Variants in XRN1 observed in about 807,000 individuals in gnomAD.
The protein encoded by XRN1 is strand-exchange protein 1 homolog.
A neutral mutation model predicts 222.3 loss-of-function variants in XRN1; 67 were observed. The observed-to-expected ratio is 0.30, with a 90% CI of 0.25 to 0.37. XRN1 has a LOEUF of 0.37. XRN1 is among the 10% of genes least tolerant of loss of function. The probability of loss-of-function intolerance (pLI) is 1.00; values close to 1 mark genes in which losing one functional copy is unlikely to be tolerated. For missense variants in XRN1, 1,707 were observed against 2,000.2 expected (o/e 0.85, Z 2.80); for synonymous variants, 643 against 652.4 (o/e 0.99, Z 0.22).
At chr3:142,375,675 G>T in intron 25 of XRN1, 123 bp downstream of exon 25, 1 of 977,226 alleles carries the variant, frequency 1.0e-6, no homozygotes, top group South Asian at 2.4e-5. Flanking sequence ...AAGTTTACAT[G>T]TAACATATGC....
At chr3:142,331,302 G>C (rs972230419) in intron 36 of XRN1, among the ~76,000 whole-genome samples, 1 of 152,064 alleles carries the variant, frequency 6.6e-6, no homozygotes, top group Non-Finnish European at 1.5e-5. Context: ...CAAATATGGC[G>C]GATATTTACT....
rs533637143 is a variant in XRN1, at chr3:142,313,873, G to A, written c.4622-1115C>T. On this transcript the variant is annotated intron_variant, in intron 39 of 40. Coordinates refer to ENST00000392981, the MANE Select transcript of XRN1 (RefSeq NM_001282857.2). ...GAGGATTGCTTGAGCCTGGGAGGTG[G>A]AGGTTGCAGTGAGCCAAGATCATGT... Among the ~76,000 whole-genome samples the A allele has an allele frequency of 8.1e-4, 123 of 152,274 alleles. No individual in the cohort carries two copies. The Middle Eastern group carries it at 0.01, about 13-fold the overall frequency.
chr3:142,429,444 G>A (rs888390812), intron 2 of XRN1, among the ~76,000 whole-genome samples: 7 of 152,092 alleles, frequency 4.6e-5, no homozygotes, highest in Non-Finnish European at 7.4e-5. Context: ...CACCACGCCC[G>A]GCCTGGATTT....
chr3:142,401,287 G>T (rs1376509238), intron 18 of XRN1, among the ~76,000 whole-genome samples: 1 of 152,142 alleles, frequency 6.6e-6, no homozygotes, highest in Non-Finnish European at 1.5e-5. Flanking sequence ...TTTCTTTTAT[G>T]AGGAAAAGGA....
At chr3:142,323,866 ATT>A (rs34983908) in intron 37 of XRN1, among the ~76,000 whole-genome samples, 4 of 149,332 alleles carry the variant, frequency 2.7e-5, no homozygotes, top group Non-Finnish European at 4.5e-5. Context: ...ATTTTTTACT[ATT>A]TTTTTTTTGT....
At chr3:142,398,562 T>G (rs941702345) in intron 19 of XRN1, among the ~76,000 whole-genome samples, 1 of 152,028 alleles carries the variant, frequency 6.6e-6, no homozygotes, top group Non-Finnish European at 1.5e-5. Flanking sequence ...AGACAGAGTC[T>G]CACTATGATG....
At chr3:142,370,421 T>C in intron 27 of XRN1, 64 bp downstream of exon 27, 1 of 1,501,412 alleles carries the variant, frequency 6.7e-7, no homozygotes, top group Non-Finnish European at 8.9e-7. Context: ...AATGAATTAT[T>C]TGTAAAGTAT....
intron 29 of XRN1, among the ~76,000 whole-genome samples, chr3:142,363,940 G>C (rs1309157908): frequency 6.6e-6 from 1 of 152,180 alleles, no homozygotes; most frequent in Non-Finnish European, 1.5e-5. Context: ...AAAAATTAGG[G>C]AAGAAAATTC....
At chr3:142,396,147 C>T (rs1218496810) in intron 20 of XRN1, among the ~76,000 whole-genome samples, 5 of 152,160 alleles carry the variant, frequency 3.3e-5, no homozygotes, top group Non-Finnish European at 5.9e-5. Context: ...ATGCATACTA[C>T]TGTATCTATT....
At chr3:142,362,893 C>A (rs997435609) in intron 29 of XRN1, among the ~76,000 whole-genome samples, 8 of 151,754 alleles carry the variant, frequency 5.3e-5, no homozygotes, top group African/African-American at 1.9e-4. Flanking sequence ...ACCTCACCCT[C>A]CTGATTAGCT....
chr3:142,371,096 A>T, intron 26 of XRN1, 143 bp downstream of exon 26: 1 of 697,040 alleles, frequency 1.4e-6, no homozygotes, highest in Non-Finnish European at 2.4e-6. Context: ...CATTTGAGCC[A>T]CTGCATTCGG....
At chr3:142,431,892 A>AAT (rs1418026466) in intron 2 of XRN1, among the ~76,000 whole-genome samples, 1 of 28,888 alleles carries the variant, frequency 3.5e-5, no homozygotes, top group Non-Finnish European at 6.3e-5. Flanking sequence ...TATTATATAT[A>AAT]ATATATATAT....
At chr3:142,421,944 C>T (rs2069052090) in intron 8 of XRN1, among the ~76,000 whole-genome samples, 2 of 152,090 alleles carry the variant, frequency 1.3e-5, no homozygotes, top group African/African-American at 4.8e-5. Flanking sequence ...ATCACTGCTT[C>T]ATAATAAACA....
chr3:142,352,890 G>A (rs1301675634), intron 32 of XRN1, among the ~76,000 whole-genome samples: 1 of 152,014 alleles, frequency 6.6e-6, no homozygotes, highest in Non-Finnish European at 1.5e-5. Context: ...GTAATCCTTC[G>A]GCCTTGGCTT....
rs185431900 is a variant in XRN1 at position 142,417,620 on chromosome 3, A to G, written c.1347-391T>C. Among the ~76,000 whole-genome samples, 837 of 152,324 alleles carry G rather than the reference A, an allele frequency of 5.5e-3. 14 individuals carry two copies. The highest frequency in any genetic ancestry group is 0.015 in the Admixed American group (224 of 15,306). On this transcript the variant is annotated intron_variant, in intron 12 of 40. Coordinates refer to ENST00000392981, the MANE Select transcript of XRN1 (RefSeq NM_001282857.2). ...ACATGGGATGATATCTGAGAGAAGC[A>G]AAGCAGCAAATCAGGAAGATCTTAA...
At chr3:142,416,170 T>G (rs1022163790) in intron 13 of XRN1, among the ~76,000 whole-genome samples, 4 of 151,602 alleles carry the variant, frequency 2.6e-5, no homozygotes, top group African/African-American at 9.7e-5. Flanking sequence ...GATTATTCTG[T>G]TTATTTATTT....
intron 27 of XRN1, among the ~76,000 whole-genome samples, chr3:142,369,624 G>GGT: frequency 6.7e-6 from 1 of 149,800 alleles, no homozygotes; most frequent in African/African-American, 2.5e-5. Context: ...CTCCAGCCTC[G>GGT]GTGACAGAGT....
chr3:142,438,640 T>C (rs2070041704), intron 1 of XRN1, among the ~76,000 whole-genome samples: 1 of 152,042 alleles, frequency 6.6e-6, no homozygotes, highest in South Asian at 2.1e-4. Context: ...AATCTGACCC[T>C]CAGACACTAA....
chr3:142,339,608 AAC>A (rs1175281664), intron 33 of XRN1, among the ~76,000 whole-genome samples: 4 of 152,236 alleles, frequency 2.6e-5, no homozygotes, highest in African/African-American at 9.6e-5. Flanking sequence ...ATCCTGGAGA[AAC>A]AGAGATATGT....
Sources: gnomAD v4.1 joint callset for allele counts (sites outside exome capture counted in the v4.1 genomes callset) on GRCh38, gnomAD v4.1.1 for gene constraint, MANE v1.5 for transcripts, NCBI Gene and HGNC (gene_info 2026-07-23, HGNC 2026-07-21) for gene names.